HACE1: variants seen among roughly 807,000 people sequenced by gnomAD.
HACE1 encodes HECT domain and ankyrin repeat containing E3 ubiquitin protein ligase 1, also known as E3 ubiquitin-protein ligase HACE1.
Under a neutral mutation model 118.4 loss-of-function variants are expected in HACE1, and 73 were observed. That is an observed-to-expected ratio of 0.62 (90% CI 0.51 to 0.75). The LOEUF (loss-of-function observed/expected upper bound fraction) is 0.75, where lower values mean the gene tolerates loss of function less well. Among genes scored for constraint, HACE1 ranks in the 30% least tolerant of loss-of-function variants. The pLI is 0.00. For synonymous variants in HACE1, 368 were observed against 374.8 expected, an observed-to-expected ratio of 0.98 and a Z score of 0.21; for missense variants, 749 against 1,102.2, an observed-to-expected ratio of 0.68 and a Z score of 4.54.
intron 2 of HACE1, 114 bp downstream of exon 2, chr6:104,852,203 G>GTGTGTGTT (rs1776283307): frequency 1.6e-6 from 1 of 623,440 alleles, no homozygotes; most frequent in Non-Finnish European, 2.9e-6. Context: ...AACTGTCTGT[G>GTGTGTGTT]TGTGTGTGTG....
At chr6:104,784,626 T>C in intron 12 of HACE1, 141 bp from the exon 13 acceptor site, 1 of 645,176 alleles carries the variant, frequency 1.5e-6, no homozygotes, top group Non-Finnish European at 2.7e-6. Flanking sequence ...TTTGTAAGTT[T>C]AGGAAACTGA....
chr6:104,840,984 G>A (rs1350559541), intron 5 of HACE1, among the ~76,000 whole-genome samples: 1 of 151,858 alleles, frequency 6.6e-6, no homozygotes, highest in Non-Finnish European at 1.5e-5. Context: ...AGCTGGGCAT[G>A]GTAGCAGGCG....
chr6:104,807,377 G>A (rs535393614), intron 7 of HACE1, among the ~76,000 whole-genome samples: 3 of 152,182 alleles, frequency 2.0e-5, no homozygotes, highest in Admixed American at 6.5e-5. Flanking sequence ...TAACTGAAAC[G>A]AGTTGCTTCG....
intron 1 of HACE1, among the ~76,000 whole-genome samples, chr6:104,858,153 C>A (rs1247078822): frequency 2.6e-5 from 4 of 151,836 alleles, no homozygotes; most frequent in Non-Finnish European, 4.4e-5. Context: ...CTTTTAAAAC[C>A]AAGTAACATT....
rs1024085036 is a variant in HACE1 at position 104,798,612 on chromosome 6, C to T, written c.618-1587G>A. Among the ~76,000 whole-genome samples the T allele has an allele frequency of 1.8e-4, 28 of 152,174 alleles. No individual in the cohort carries two copies. The East Asian group carries it at 1.9e-3, about 10-fold the overall frequency. On this transcript the variant is annotated intron_variant, in intron 7 of 23. Transcript: ENST00000262903. ...TGAAAGCAACAATAATCAGCTTTAC[C>T]GGCATCAAGCAAGAAGTCCTCATCA...
intron 1 of HACE1, chr6:104,858,420 G>T: frequency 3.1e-6 from 1 of 318,952 alleles, no homozygotes; most frequent in Non-Finnish European, 6.3e-6. Context: ...TTATCCCCAG[G>T]CCAGGCGCGG....
At chr6:104,816,323 C>G (rs1009289418) in intron 6 of HACE1, among the ~76,000 whole-genome samples, 4 of 152,190 alleles carry the variant, frequency 2.6e-5, no homozygotes, top group African/African-American at 7.2e-5. Context: ...GCTTCACAGG[C>G]CGGACCCAGG....
intron 6 of HACE1, among the ~76,000 whole-genome samples, chr6:104,831,756 G>A (rs1178755159): frequency 6.6e-6 from 1 of 151,648 alleles, no homozygotes; most frequent in Non-Finnish European, 1.5e-5. Flanking sequence ...AGCCGGGCGT[G>A]GTGGCCGGTC....
intron 12 of HACE1, 73 bp downstream of exon 12, chr6:104,784,912 G>T (rs916527236): frequency 9.3e-6 from 9 of 968,508 alleles, no homozygotes; most frequent in South Asian, 7.0e-5. Flanking sequence ...TGTTGTTTTT[G>T]AAATTACAAA....
intron 6 of HACE1, among the ~76,000 whole-genome samples, chr6:104,828,993 C>G (rs1292125082): frequency 6.6e-6 from 1 of 151,962 alleles, no homozygotes; most frequent in Non-Finnish European, 1.5e-5. Flanking sequence ...ATTTATCATC[C>G]ATGCCTCTTT....
At position 104,741,938 on chromosome 6, in the gene HACE1, G is replaced by C. The variant is rs553735812; in HGVS notation, c.2513+2222C>G. On this transcript the variant is annotated intron_variant, in intron 22 of 23. Transcript: ENST00000262903. The stretch of plus-strand genomic sequence containing the variant: ...CGACAAGGCTACAGTAACCAAAACA[G>C]CATGGTACTGGGACCAAAACAGAAA... 8.6e-5 allele frequency among the ~76,000 whole-genome samples: 13 copies of C among 151,838 alleles called. No homozygotes were observed. The South Asian group carries it at 2.3e-3, about 27-fold the overall frequency.
chr6:104,797,079 A>G (rs1769736663), intron 7 of HACE1, 54 bp from the exon 8 acceptor site: 7 of 968,618 alleles, frequency 7.2e-6, no homozygotes, highest in South Asian at 3.9e-5. Flanking sequence ...GTCTTTCTCT[A>G]TGAATTATGG....
At chr6:104,815,396 C>G (rs1772008444) in intron 6 of HACE1, among the ~76,000 whole-genome samples, 1 of 133,858 alleles carries the variant, frequency 7.5e-6, no homozygotes, top group African/African-American at 3.0e-5. Context: ...GACACAAAGT[C>G]TCACTCTGTC....
chr6:104,852,371 T>A lies in HACE1; in HGVS notation c.77A>T (p.Asp26Val), dbSNP rs1460963384. ...TAATGTATAAACAGCAGTTTCATTATCTGAGTAAAAAAAAACAAAGAGTTC... is the reference window on the plus strand; with the variant it reads ...TAATGTATAAACAGCAGTTTCATTAACTGAGTAAAAAAAAACAAAGAGTTC... ...RRARTVELPE[D>V]NETAVYTLMP... Residue 26 changes from aspartate to valine, a missense_variant and splice_region_variant, in exon 2 of 24, where the codon GAT becomes GTT. Coordinates refer to ENST00000262903, the MANE Select transcript of HACE1 (RefSeq NM_020771.4). The A allele has an allele frequency of 6.6e-7, 1 of 1,523,920 alleles. No homozygotes were observed. Among genetic ancestry groups the A allele is most frequent in the Non-Finnish European group, 8.9e-7 (1 of 1,118,828 alleles). The allele number at this position is 1,523,920 out of a possible 1,614,324, so 94.4% of individuals were successfully genotyped here.
At chr6:104,794,660 T>C (rs1783416952) in intron 10 of HACE1, among the ~76,000 whole-genome samples, 1 of 152,222 alleles carries the variant, frequency 6.6e-6, no homozygotes, top group South Asian at 2.1e-4. Flanking sequence ...TCCCAGCACT[T>C]TGGGAGGCCG....
chr6:104,859,553 G>A lies in HACE1; in HGVS notation c.76+14C>T, dbSNP rs749642305. On this transcript the variant is annotated intron_variant, in intron 1 of 23. Coordinates refer to ENST00000262903, the MANE Select transcript of HACE1 (RefSeq NM_020771.4). ...CCAGCCCCGCGGCCAGCCTGGCCCCGCGACCCGGCTCACCCTCGGGCAACT... is the reference window on the plus strand; with the variant it reads ...CCAGCCCCGCGGCCAGCCTGGCCCCACGACCCGGCTCACCCTCGGGCAACT... The A allele has an allele frequency of 1.3e-6, 2 of 1,510,824 alleles. No individual in the cohort carries two copies. The highest frequency in any genetic ancestry group is 1.7e-4 in the Middle Eastern group (1 of 5,908). The allele number at this position is 1,510,824 out of a possible 1,614,324, so 93.6% of individuals were successfully genotyped here. A position where few individuals can be genotyped will look rare whatever the true frequency, so the allele number is the denominator to read the frequency against.
At chr6:104,791,457 A>C in intron 11 of HACE1, 47 bp downstream of exon 11, 1 of 1,519,738 alleles carries the variant, frequency 6.6e-7, no homozygotes, top group African/African-American at 1.4e-5. Context: ...TGTCAAATTC[A>C]TCTCTTTTAC....
In HACE1 at chr6:104,849,131, T is replaced by G. The variant is rs779660375; in HGVS notation, c.326+11A>C. 3 of 1,466,296 alleles carry G rather than the reference T, an allele frequency of 2.0e-6. No individual in the cohort carries two copies. Among genetic ancestry groups the G allele is most frequent in the South Asian group, 2.3e-5 (2 of 88,102 alleles). 90.8% of individuals were successfully genotyped at this position (1,466,296 alleles called of 1,614,324 possible). On this transcript the variant is annotated intron_variant, in intron 4 of 23. Coordinates refer to ENST00000262903, the MANE Select transcript of HACE1 (RefSeq NM_020771.4). Reference sequence around the variant, plus strand: ...TACAACTTAAGCCACTTAAGAAAACTAAATAGTTACCCATTTCTTGCTGCC... The same window carrying G: ...TACAACTTAAGCCACTTAAGAAAACGAAATAGTTACCCATTTCTTGCTGCC...
chr6:104,852,228 T>TGTGTGTGA, intron 2 of HACE1, 89 bp downstream of exon 2: 3 of 660,798 alleles, frequency 4.5e-6, no homozygotes, highest in African/African-American at 2.5e-5. Context: ...TGTGTGTGTG[T>TGTGTGTGA]GCGCGCGTGC....
Sources: gnomAD v4.1 joint callset for allele counts (sites outside exome capture counted in the v4.1 genomes callset) on GRCh38, gnomAD v4.1.1 for gene constraint, MANE v1.5 for transcripts, NCBI Gene and HGNC (gene_info 2026-07-23, HGNC 2026-07-21) for gene names.